DNER: variants seen among roughly 807,000 people sequenced by gnomAD.
The protein encoded by DNER is delta and Notch-like epidermal growth factor-related receptor.
DNER carries 33 observed loss-of-function variants against 78.2 expected under a neutral mutation model. That is an observed-to-expected ratio of 0.42 (90% CI 0.32 to 0.56). DNER has a LOEUF of 0.56. Among genes scored for constraint, DNER ranks in the 20% least tolerant of loss-of-function variants. The pLI is 0.11. For synonymous variants in DNER, 417 were observed against 384.8 expected (o/e 1.08, Z -0.98); for missense variants, 918 against 975.3 (o/e 0.94, Z 0.78).
At position 229,444,789 on chromosome 2, in the gene DNER, T is replaced by C. The variant is rs183173988; in HGVS notation, c.1486+2527A>G. Among the ~76,000 whole-genome samples, 810 of 152,248 alleles carry C rather than the reference T, an allele frequency of 5.3e-3. 5 individuals carry two copies. The highest frequency in any genetic ancestry group is 0.011 in the Admixed American group (163 of 15,300). On this transcript the variant is annotated intron_variant, in intron 8 of 12. Coordinates refer to ENST00000341772, the MANE Select transcript of DNER (RefSeq NM_139072.4). ...CTGTAATCCCAACTACTTGGGAGAC[T>C]GAGGCAGGAGAATCGCTTGAACCCG...
rs372896127 is a variant in DNER at position 229,424,310 on chromosome 2, TTAAGAG to T, written c.1487-6086_1487-6081del. ...ATCATCCCAATTTATAGATGAGGAA[TTAAGAG>T]TTAGAGAGGTAAAGAAATTTGCCCA... On this transcript the variant is annotated intron_variant, in intron 8 of 12. Transcript: ENST00000341772. Among the ~76,000 whole-genome samples, 211 of 152,320 alleles carry T rather than the reference TTAAGAG, an allele frequency of 1.4e-3. 1 individual carries two copies. The highest frequency in any genetic ancestry group is 5.0e-3 in the African/African-American group (208 of 41,560).
chr2:229,655,188 C>G (rs942968281), intron 1 of DNER, among the ~76,000 whole-genome samples: 1 of 151,968 alleles, frequency 6.6e-6, no homozygotes, highest in Non-Finnish European at 1.5e-5. Flanking sequence ...TGCATGATAT[C>G]TTTACATATT....
chr2:229,498,066 AG>A (rs1695536797), intron 6 of DNER, among the ~76,000 whole-genome samples: 1 of 152,192 alleles, frequency 6.6e-6, no homozygotes, highest in Non-Finnish European at 1.5e-5. Context: ...CCATATTAAC[AG>A]AATCATTCAC....
In DNER at chr2:229,499,852, G is replaced by A. The variant is rs1174746842; in HGVS notation, c.1147+12931C>T. On this transcript the variant is annotated intron_variant, in intron 6 of 12. Coordinates refer to ENST00000341772, the MANE Select transcript of DNER (RefSeq NM_139072.4). Reference sequence around the variant, plus strand: ...AAGAATTGCTATTTCAAATATATAAGGTATTCAAACAACTCAATAGCAAGA... The same window carrying A: ...AAGAATTGCTATTTCAAATATATAAAGTATTCAAACAACTCAATAGCAAGA... Among the ~76,000 whole-genome samples, 11 of 151,340 alleles carry A rather than the reference G, an allele frequency of 7.3e-5. 1 individual carries two copies. The highest frequency in any genetic ancestry group is 2.4e-4 in the African/African-American group (10 of 41,184).
intron 1 of DNER, among the ~76,000 whole-genome samples, chr2:229,671,617 C>T (rs1699210366): frequency 6.6e-6 from 1 of 152,180 alleles, no homozygotes; most frequent in African/African-American, 2.4e-5. Context: ...ACAGTGTCCA[C>T]AACATATTGG....
chr2:229,652,503 T>C (rs532473767), intron 1 of DNER, among the ~76,000 whole-genome samples: 1 of 152,232 alleles, frequency 6.6e-6, no homozygotes, highest in African/African-American at 2.4e-5. Context: ...CCCAATCCCA[T>C]CAATATGATG....
chr2:229,565,317 A>G (rs1048751702), intron 4 of DNER, among the ~76,000 whole-genome samples: 1 of 152,202 alleles, frequency 6.6e-6, no homozygotes, highest in Non-Finnish European at 1.5e-5. Context: ...CTACTCTTTA[A>G]AAATTATTGC....
At position 229,588,004 on chromosome 2, in the gene DNER, T is replaced by C. The variant is rs79705356; in HGVS notation, c.680+390A>G. Reference sequence around the variant, plus strand: ...AAAAAATAAAGAGAAAATTGTAATATGTAGAATTTAAATTTGGGGCAAAGT... The same window carrying C: ...AAAAAATAAAGAGAAAATTGTAATACGTAGAATTTAAATTTGGGGCAAAGT... On this transcript the variant is annotated intron_variant, in intron 3 of 12. Coordinates refer to ENST00000341772, the MANE Select transcript of DNER (RefSeq NM_139072.4). Among the ~76,000 whole-genome samples the C allele has an allele frequency of 3.3e-4, 50 of 152,272 alleles. No individual in the cohort carries two copies. In the East Asian group the frequency reaches 7.5e-3, roughly 23 times the overall value.
chr2:229,537,224 G>A (rs755549249), intron 5 of DNER, among the ~76,000 whole-genome samples: 5 of 151,910 alleles, frequency 3.3e-5, no homozygotes, highest in Non-Finnish European at 4.4e-5. Context: ...GTCAACCCCC[G>A]ACCCCGCCAA....
At chr2:229,488,362 T>C (rs1175219395) in intron 6 of DNER, among the ~76,000 whole-genome samples, 2 of 152,236 alleles carry the variant, frequency 1.3e-5, no homozygotes, top group African/African-American at 2.4e-5. Flanking sequence ...ACTCTGTGTA[T>C]ATTACATTTG....
chr2:229,458,922 T>A (rs1216387143), intron 7 of DNER, among the ~76,000 whole-genome samples: 1 of 152,050 alleles, frequency 6.6e-6, no homozygotes, highest in Non-Finnish European at 1.5e-5. Context: ...TAGCAAACTG[T>A]CAGCATACAA....
At chr2:229,379,885 T>C (rs1692696151) in intron 11 of DNER, among the ~76,000 whole-genome samples, 1 of 152,212 alleles carries the variant, frequency 6.6e-6, no homozygotes, top group South Asian at 2.1e-4. Flanking sequence ...ATTGAAATCC[T>C]TTTCAGTCCC....
At chr2:229,582,762 C>T (rs902447393) in intron 4 of DNER, among the ~76,000 whole-genome samples, 1 of 152,080 alleles carries the variant, frequency 6.6e-6, no homozygotes, top group Non-Finnish European at 1.5e-5. Flanking sequence ...GCCTCAGCCT[C>T]CCTAGTAGCT....
intron 8 of DNER, among the ~76,000 whole-genome samples, chr2:229,422,495 G>C (rs573539654): frequency 6.6e-6 from 1 of 152,272 alleles, no homozygotes; most frequent in Admixed American, 6.5e-5. Flanking sequence ...CAGATGGGGG[G>C]AGTGAGAAAG....
At chr2:229,519,622 C>T (rs1445986993) in intron 5 of DNER, among the ~76,000 whole-genome samples, 1 of 152,042 alleles carries the variant, frequency 6.6e-6, no homozygotes, top group African/African-American at 2.4e-5. Context: ...GGCTTGAACT[C>T]ACATTGTCTA....
chr2:229,670,300 G>A (rs1699185760), intron 1 of DNER, among the ~76,000 whole-genome samples: 1 of 152,228 alleles, frequency 6.6e-6, no homozygotes, highest in Non-Finnish European at 1.5e-5. Flanking sequence ...CCCAGGCCGA[G>A]GCAAACGAGT....
At chr2:229,588,005 G>A (rs1331261461) in intron 3 of DNER, among the ~76,000 whole-genome samples, 2 of 152,150 alleles carry the variant, frequency 1.3e-5, no homozygotes, top group Non-Finnish European at 2.9e-5. Context: ...ATTGTAATAT[G>A]TAGAATTTAA....
At chr2:229,385,100 TA>T (rs57663031) in intron 11 of DNER, among the ~76,000 whole-genome samples, 16,008 of 110,752 alleles carry the variant, frequency 0.14, 1,439 homozygotes, top group East Asian at 0.54. Context: ...AGACTCCATC[TA>T]AAAAAAAAAA....
intron 1 of DNER, among the ~76,000 whole-genome samples, chr2:229,646,995 C>T (rs1410246207): frequency 6.6e-6 from 1 of 152,118 alleles, no homozygotes; most frequent in African/African-American, 2.4e-5. Flanking sequence ...GGTGAAAACC[C>T]GTCTCTACTA....
Sources: allele counts gnomAD v4.1 joint callset (sites outside exome capture counted in the v4.1 genomes callset), GRCh38; gene constraint gnomAD v4.1.1; transcripts MANE v1.5; gene names NCBI Gene and HGNC (gene_info 2026-07-23, HGNC 2026-07-21).